BCAR1: variants seen among roughly 807,000 people sequenced by gnomAD.
BCAR1 encodes the protein breast cancer anti-estrogen resistance protein 1.
In BCAR1, 30 loss-of-function variants were observed where a neutral mutation model predicts 67.6. The observed-to-expected ratio is 0.44, with a 90% CI of 0.33 to 0.60. The LOEUF (loss-of-function observed/expected upper bound fraction) is 0.60. Among genes scored for constraint, BCAR1 ranks in the 20% least tolerant of loss-of-function variants. BCAR1 has a pLI of 0.02. For synonymous variants in BCAR1, 626 were observed against 556.7 expected (o/e 1.12, Z -1.75); for missense variants, 1,313 against 1,222.3 (o/e 1.07, Z -1.11).
upstream of BCAR1, among the ~76,000 whole-genome samples, chr16:75,253,989 T>TG (rs2077730152): frequency 6.8e-6 from 1 of 148,020 alleles, no homozygotes; most frequent in African/African-American, 2.5e-5. Context: ...TTTTTTGAGA[T>TG]GGGGTTTCAC....
Position 75,235,157 on chromosome 16 carries a change from G to T in BCAR1, c.1742C>A (p.Ala581Asp), listed in dbSNP as rs150393934. The part of the protein sequence containing the change: ...ATLEDLDRLV[A>D]CSRAVPEDAK... The stretch of plus-strand genomic sequence containing the variant: ...GTCCTCGGGCACAGCCCGCGAGCAG[G>T]CCACCAGCCGGTCCAGGTCCTCAAG... The change falls in exon 5 of 7, where the codon GCC (alanine) becomes GAC (aspartate). Residue 581 changes from alanine to aspartate, a missense_variant. Transcript: ENST00000162330. 108 of 1,608,466 alleles carry T rather than the reference G, an allele frequency of 6.7e-5. No homozygotes were observed. The African/African-American group carries it at 1.4e-3, about 21-fold the overall frequency.
chr16:75,243,803 C>T lies in BCAR1; in HGVS notation c.13-713G>A, dbSNP rs116173722. Among the ~76,000 whole-genome samples, 455 of 152,318 alleles carry T rather than the reference C, an allele frequency of 3.0e-3. 2 individuals carry two copies. The highest frequency in any genetic ancestry group is 0.01 in the African/African-American group (430 of 41,574). ...ATGAGTGCCGTGGCGAGGGCAGGGG[C>T]GGAGCCTCGCTGGGACACTAGAGCC... On this transcript the variant is annotated intron_variant, in intron 1 of 6. Coordinates refer to ENST00000162330, the MANE Select transcript of BCAR1 (RefSeq NM_014567.5).
chr16:75,255,794 C>T (rs528766551), upstream of BCAR1, among the ~76,000 whole-genome samples: 1 of 152,198 alleles, frequency 6.6e-6, no homozygotes, highest in African/African-American at 2.4e-5. Flanking sequence ...GAGTTCAAGA[C>T]CAGCCTGACC....
chr16:75,249,298 T>C (rs2077608342), intron 1 of BCAR1: 1 of 152,130 alleles, frequency 6.6e-6, no homozygotes. Context: ...AACTGTGTCA[T>C]CAAGGAGGCT....
chr16:75,267,113 G>A (rs2078020094), intron 1 of BCAR1, among the ~76,000 whole-genome samples: 1 of 152,158 alleles, frequency 6.6e-6, no homozygotes, highest in African/African-American at 2.4e-5. Flanking sequence ...TTCCCCAAGG[G>A]GCGTGCAGCC....
At chr16:75,242,196 G>A (rs1345855601) in intron 2 of BCAR1, among the ~76,000 whole-genome samples, 1 of 152,232 alleles carries the variant, frequency 6.6e-6, no homozygotes, top group Admixed American at 6.5e-5. Context: ...CCACTGGAAC[G>A]CCTCAACAGG....
intron 3 of BCAR1, 36 bp downstream of exon 3, chr16:75,237,147 G>T: frequency 6.7e-7 from 1 of 1,492,310 alleles, no homozygotes; most frequent in Non-Finnish European, 8.9e-7. Flanking sequence ...CAGACTTGCC[G>T]CCCTGCCCTC....
rs912385961 is a variant in BCAR1, at chr16:75,229,316, CGGCTCCTGAGGAGGCAT to C, written c.*178_*194del. 5.3e-6 allele frequency: 5 copies of C among 935,770 alleles called. No individual in the cohort carries two copies. The highest frequency in any genetic ancestry group is 7.5e-6 in the Non-Finnish European group (5 of 668,002). The allele number at this position is 935,770 out of a possible 1,614,324, so 58.0% of individuals were successfully genotyped here. On this transcript the variant is annotated 3_prime_UTR_variant, in exon 7 of 7. Transcript: ENST00000162330. ...AGGCCACTGGCCGGCCCCTGGGCTT[CGGCTCCTGAGGAGGCAT>C]GGCCCCACACCCTGCCCGGCCATAA...
Position 75,262,818 on chromosome 16 carries a change from G to C in BCAR1, c.66+5097C>G, listed in dbSNP as rs565565066. Among the ~76,000 whole-genome samples, 63 of 152,240 alleles carry C rather than the reference G, an allele frequency of 4.1e-4. 1 individual carries two copies. Among genetic ancestry groups the C allele is most frequent in the African/African-American group, 1.4e-3 (60 of 41,536 alleles). On this transcript the variant is annotated intron_variant, in intron 1 of 6. Coordinates refer to the BCAR1 transcript ENST00000393422. ...TAGACCCACCCTGCTGCACAGCCTT[G>C]GGTGCTACCTGCTCTGAGCCCAGGG...
chr16:75,233,459 C>T (rs2076972814), intron 6 of BCAR1, among the ~76,000 whole-genome samples: 1 of 152,154 alleles, frequency 6.6e-6, no homozygotes, highest in Non-Finnish European at 1.5e-5. Context: ...CACAAGAATG[C>T]TTAACGCCAT....
At chr16:75,240,282 C>T (rs1216231506) in intron 2 of BCAR1, among the ~76,000 whole-genome samples, 1 of 152,196 alleles carries the variant, frequency 6.6e-6, no homozygotes, top group Admixed American at 6.5e-5. Context: ...CTCAGTTTCC[C>T]AGGCATTTGA....
At chr16:75,251,354 C>T in intron 1 of BCAR1, 117 bp downstream of exon 1, 2 of 1,373,158 alleles carry the variant, frequency 1.5e-6, no homozygotes, top group Non-Finnish European at 1.9e-6. Context: ...GCCGCGGACC[C>T]CGGCCGGCGG....
chr16:75,254,862 A>C (rs1294674250), upstream of BCAR1, among the ~76,000 whole-genome samples: 2 of 152,178 alleles, frequency 1.3e-5, no homozygotes, highest in African/African-American at 4.8e-5. Flanking sequence ...CAGGACACTA[A>C]GTGTCTGGAG....
chr16:75,257,363 G>T (rs905477594), intron 1 of BCAR1, among the ~76,000 whole-genome samples: 1 of 152,230 alleles, frequency 6.6e-6, no homozygotes, highest in Non-Finnish European at 1.5e-5. Flanking sequence ...GGGGCCAGTG[G>T]AATCACAAGA....
At chr16:75,254,650 G>A (rs958751780), upstream of BCAR1, among the ~76,000 whole-genome samples, 4 of 152,224 alleles carry the variant, frequency 2.6e-5, no homozygotes, top group Admixed American at 6.5e-5. Context: ...GCTGGGAGAG[G>A]TTGTTGCCAG....
intron 6 of BCAR1, among the ~76,000 whole-genome samples, chr16:75,231,093 C>T (rs1254908374): frequency 1.3e-5 from 2 of 149,046 alleles, no homozygotes; most frequent in South Asian, 2.1e-4. Context: ...GTCACCCAGG[C>T]TAATCTTTTT....
At chr16:75,236,065 C>CACACACACACACACGTACACACATACAG in intron 4 of BCAR1, 79 bp from the exon 5 acceptor site, 4 of 1,476,356 alleles carry the variant, frequency 2.7e-6, no homozygotes, top group Non-Finnish European at 3.6e-6. Context: ...CCCAGCCACA[C>CACACACACACACACGTACACACATACAG]ACACACACAC....
At chr16:75,266,130 C>T (rs1187761531) in intron 1 of BCAR1, 3 of 738,214 alleles carry the variant, frequency 4.1e-6, no homozygotes, top group African/African-American at 1.9e-5. Flanking sequence ...TCCTCCGCTC[C>T]TCGCCGATCC....
At chr16:75,253,525 T>TC (rs751220356), upstream of BCAR1, among the ~76,000 whole-genome samples, 19 of 152,116 alleles carry the variant, frequency 1.2e-4, 2 homozygotes, top group Admixed American at 5.9e-4. Flanking sequence ...GAGACCCTCC[T>TC]CCCCCAGTAG....
Sources: allele counts gnomAD v4.1 joint callset (sites outside exome capture counted in the v4.1 genomes callset), GRCh38; gene constraint gnomAD v4.1.1; transcripts MANE v1.5; gene names NCBI Gene and HGNC (gene_info 2026-07-23, HGNC 2026-07-21).